Variants in ATG4A observed in about 807,000 individuals in gnomAD.
ATG4A encodes the protein autophagy related 4A cysteine peptidase.
A neutral mutation model predicts 38.4 loss-of-function variants in ATG4A; 22 were observed. The observed-to-expected ratio is 0.57, with a 90% CI of 0.41 to 0.82. The LOEUF is 0.82. Among genes scored for constraint, ATG4A ranks in the 40% least tolerant of loss-of-function variants. The pLI, the probability that ATG4A is intolerant of heterozygous loss-of-function variation, is 0.00. For synonymous variants in ATG4A, 86 were observed against 100.7 expected (o/e 0.85, Z 0.88); for missense variants, 220 against 290.0 (o/e 0.76, Z 1.75).
At chrX:108,090,495 A>G (rs1041609108), upstream of ATG4A, among the ~76,000 whole-genome samples, 3 of 112,447 alleles carry the variant, frequency 2.7e-5, no homozygotes, top group African/African-American at 9.7e-5. Context: ...GAAGTAAACC[A>G]GGTAAAGATA....
intron 10 of ATG4A, among the ~76,000 whole-genome samples, chrX:108,151,196 G>A (rs766982733): frequency 8.9e-6 from 1 of 111,743 alleles, no homozygotes; most frequent in South Asian, 3.8e-4. Context: ...CACTGAAGGG[G>A]CATCTGCCTG....
intron 6 of ATG4A, among the ~76,000 whole-genome samples, chrX:108,135,111 T>TA (rs1011502090): frequency 8.9e-6 from 1 of 112,116 alleles, no homozygotes; most frequent in Non-Finnish European, 1.9e-5. Context: ...TGTTAGTACT[T>TA]ACACCTGCAG....
At chrX:108,116,522 G>A (rs1426174761) in intron 1 of ATG4A, among the ~76,000 whole-genome samples, 2 of 111,833 alleles carry the variant, frequency 1.8e-5, no homozygotes, top group Non-Finnish European at 3.8e-5. Flanking sequence ...AATCACTTCC[G>A]GTCTTTGTTT....
At chrX:108,103,882 T>C (rs1331907897) in intron 1 of ATG4A, among the ~76,000 whole-genome samples, 1 of 112,455 alleles carries the variant, frequency 8.9e-6, no homozygotes, top group East Asian at 2.8e-4. Flanking sequence ...GAGTTTCTCT[T>C]GTTGCATAGG....
intron 1 of ATG4A, among the ~76,000 whole-genome samples, chrX:108,116,595 C>T (rs1209726684): frequency 8.9e-6 from 1 of 111,975 alleles, no homozygotes; most frequent in Non-Finnish European, 1.9e-5. Context: ...TTCTAGGTGA[C>T]TACTTGGTGC....
At chrX:108,098,952 A>G (rs1380458293) in intron 1 of ATG4A, among the ~76,000 whole-genome samples, 2 of 111,651 alleles carry the variant, frequency 1.8e-5, no homozygotes, top group African/African-American at 3.3e-5. Flanking sequence ...ATTAACATTG[A>G]GTACAGTGTT....
At chrX:108,135,846 A>C (rs1266910926) in intron 6 of ATG4A, among the ~76,000 whole-genome samples, 2 of 107,762 alleles carry the variant, frequency 1.9e-5, no homozygotes, top group African/African-American at 6.8e-5. Context: ...GTGCAGTGGC[A>C]CAATCTCCGC....
intron 1 of ATG4A, among the ~76,000 whole-genome samples, chrX:108,104,125 G>A (rs772746870): frequency 3.6e-5 from 4 of 112,227 alleles, no homozygotes; most frequent in African/African-American, 1.3e-4. Flanking sequence ...ATGAGCTGCC[G>A]CACCCAGCCA....
chrX:108,101,871 T>C (rs746459387), intron 1 of ATG4A, among the ~76,000 whole-genome samples: 68 of 110,040 alleles, frequency 6.2e-4, no homozygotes, highest in Non-Finnish European at 1.1e-3. Flanking sequence ...TAACATAATG[T>C]CTTCAAGGTT....
intron 1 of ATG4A, among the ~76,000 whole-genome samples, chrX:108,120,053 C>T (rs950595647): frequency 2.7e-5 from 3 of 112,079 alleles, no homozygotes; most frequent in Admixed American, 9.4e-5. Context: ...TAACAACTGA[C>T]CAGCAGGTTG....
chrX:108,094,731 T>C (rs886374356), intron 1 of ATG4A, among the ~76,000 whole-genome samples: 3 of 112,261 alleles, frequency 2.7e-5, no homozygotes, highest in African/African-American at 9.7e-5. Context: ...ATTCTGTTCT[T>C]CTCTTAATAG....
At chrX:108,117,885 G>A (rs1283044475) in intron 1 of ATG4A, among the ~76,000 whole-genome samples, 1 of 111,987 alleles carries the variant, frequency 8.9e-6, no homozygotes, top group Non-Finnish European at 1.9e-5. Context: ...ATCTAGATGA[G>A]GTAACAGATT....
At chrX:108,139,331 C>G (rs1419861781) in intron 9 of ATG4A, among the ~76,000 whole-genome samples, 1 of 112,167 alleles carries the variant, frequency 8.9e-6, no homozygotes, top group Admixed American at 9.4e-5. Flanking sequence ...TAATGCCTGA[C>G]TCGCCCTGTT....
chrX:108,123,711 G>T (rs185150444), intron 1 of ATG4A, among the ~76,000 whole-genome samples: 1 of 112,094 alleles, frequency 8.9e-6, no homozygotes, highest in Admixed American at 9.4e-5. Flanking sequence ...GCCTGAGAGG[G>T]GGTGAAGTGC....
At position 108,134,036 on chromosome X, in the gene ATG4A, C is replaced by T. The variant is rs1208139087; in HGVS notation, c.293-21C>T. ...AAACAGTTATAAAAATGTTTCTAACCCATTTTTTTTTCTTAAAAAGACTGG... is the reference window on the plus strand; with the variant it reads ...AAACAGTTATAAAAATGTTTCTAACTCATTTTTTTTTCTTAAAAAGACTGG... On this transcript the variant is annotated intron_variant, in intron 4 of 12. Transcript: ENST00000372232. 2.6e-6 allele frequency: 3 copies of T among 1,132,118 alleles called. No homozygotes were observed. In the East Asian group the frequency reaches 9.1e-5, roughly 34 times the overall value. The allele number at this position is 1,132,118 out of a possible 1,213,427, so 93.3% of individuals were successfully genotyped here. A position where few individuals can be genotyped will look rare whatever the true frequency, so the allele number is the denominator to read the frequency against.
intron 1 of ATG4A, among the ~76,000 whole-genome samples, chrX:108,106,177 A>G (rs1452818366): frequency 1.8e-5 from 2 of 110,202 alleles, no homozygotes; most frequent in Non-Finnish European, 3.8e-5. Flanking sequence ...TTCCTCTTTG[A>G]CCAACGGATT....
chrX:108,094,328 T>G (rs758617779), intron 1 of ATG4A, among the ~76,000 whole-genome samples: 1 of 112,086 alleles, frequency 8.9e-6, no homozygotes, highest in Non-Finnish European at 1.9e-5. Flanking sequence ...GAATCTCTTA[T>G]CATTAACGTC....
chrX:108,126,563 A>C (rs1171687579), intron 2 of ATG4A, among the ~76,000 whole-genome samples: 3 of 111,927 alleles, frequency 2.7e-5, no homozygotes, highest in African/African-American at 9.8e-5. Flanking sequence ...ACTGGTCTAC[A>C]TATTTATTAC....
chrX:108,096,687 G>GTATGTTATGTTATGT (rs778830866), intron 1 of ATG4A, among the ~76,000 whole-genome samples: 3 of 108,837 alleles, frequency 2.8e-5, no homozygotes, highest in African/African-American at 1.0e-4. Flanking sequence ...TTATTTTATT[G>GTATGTTATGTTATGT]TATGTTATGT....
Sources: allele counts gnomAD v4.1 joint callset (sites outside exome capture counted in the v4.1 genomes callset), GRCh38; gene constraint gnomAD v4.1.1; transcripts MANE v1.5; gene names NCBI Gene and HGNC (gene_info 2026-07-23, HGNC 2026-07-21).